MC2R: variants seen among roughly 807,000 people sequenced by gnomAD.
The protein encoded by MC2R is melanocortin 2 receptor, also known as adrenocorticotropic hormone receptor.
MC2R carries 9 observed loss-of-function variants against 9.8 expected under a neutral mutation model. That is an observed-to-expected ratio of 0.92 (90% CI 0.55 to 1.60). The LOEUF (loss-of-function observed/expected upper bound fraction) is 1.60, where lower values mean the gene tolerates loss of function less well. Ranked by LOEUF, MC2R falls within the 40% of genes most tolerant of loss-of-function variation. The probability of loss-of-function intolerance (pLI) is 0.00; values close to 1 mark genes in which losing one functional copy is unlikely to be tolerated. For missense variants in MC2R, 370 were observed against 389.0 expected, an observed-to-expected ratio of 0.95 and a Z score of 0.41; for synonymous variants, 185 against 154.7, an observed-to-expected ratio of 1.20 and a Z score of -1.45.
Position 13,884,709 on chromosome 18 carries a change from G to A in MC2R, c.810C>T (p.Val270=), listed in dbSNP as rs1437961435. The A allele has an allele frequency of 6.2e-7, 1 of 1,614,122 alleles. No individual in the cohort carries two copies. The highest frequency in any genetic ancestry group is 1.7e-5 in the Admixed American group (1 of 60,028). Reference sequence around the variant, plus strand: ...GGAAGGCATATATGAAGGGGTCAATGACGGCATTGCACATGATCAACATGC... The same window carrying A: ...GGAAGGCATATATGAAGGGGTCAATAACGGCATTGCACATGATCAACATGC... ...VNGMLIMCNA[V]IDPFIYAFRS... The change falls in exon 2 of 2, where the codon GTC becomes GTT. Residue 270 remains valine, a synonymous_variant. Transcript: ENST00000327606.
At chr18:13,911,382 A>G (rs1195066583) in intron 1 of MC2R, among the ~76,000 whole-genome samples, 1 of 152,230 alleles carries the variant, frequency 6.6e-6, no homozygotes, top group Non-Finnish European at 1.5e-5. Context: ...GAAATGGCTC[A>G]AAATTTCCTC....
intron 1 of MC2R, among the ~76,000 whole-genome samples, chr18:13,898,545 A>G (rs564426192): frequency 7.2e-5 from 11 of 152,280 alleles, no homozygotes; most frequent in African/African-American, 2.4e-4. Flanking sequence ...GTAGCCAGGG[A>G]GTGGTTACAG....
chr18:13,890,374 G>A (rs1385522532), intron 1 of MC2R, among the ~76,000 whole-genome samples: 1 of 152,206 alleles, frequency 6.6e-6, no homozygotes. Flanking sequence ...CTGGAGAAGA[G>A]CTGGGGAAGG....
At chr18:13,914,497 G>C (rs2149145456) in intron 1 of MC2R, among the ~76,000 whole-genome samples, 1 of 152,340 alleles carries the variant, frequency 6.6e-6, no homozygotes, top group South Asian at 2.1e-4. Flanking sequence ...GGGATGGGGT[G>C]GGGAGGGCAT....
At chr18:13,890,075 T>A (rs1239550736) in intron 1 of MC2R, among the ~76,000 whole-genome samples, 4 of 152,314 alleles carry the variant, frequency 2.6e-5, no homozygotes, top group Admixed American at 2.6e-4. Flanking sequence ...AACTTAACAA[T>A]CTTAAACCTC....
chr18:13,902,054 T>C (rs1156734855), intron 1 of MC2R, among the ~76,000 whole-genome samples: 1 of 152,084 alleles, frequency 6.6e-6, no homozygotes, highest in East Asian at 1.9e-4. Flanking sequence ...CATGACCAAG[T>C]GGGATTTTTT....
Position 13,885,594 on chromosome 18 carries a change from C to G in MC2R, c.-76G>C. 6.6e-7 allele frequency: 1 copy of G among 1,510,226 alleles called. No homozygotes were observed. The highest frequency in any genetic ancestry group is 1.7e-5 in the Admixed American group (1 of 57,514). 93.6% of individuals were successfully genotyped at this position (1,510,226 alleles called of 1,614,324 possible). On this transcript the variant is annotated 5_prime_UTR_variant, in exon 2 of 2. Coordinates refer to ENST00000327606, the MANE Select transcript of MC2R (RefSeq NM_000529.2). ...GAAAACTTGATTGATTCTTCAGGAT[C>G]TTTTCTTCCTTGTAGCACTTGCTGG...
In MC2R at chr18:13,908,707, TGTGTGTG is replaced by T. The variant is rs1469302782; in HGVS notation, c.-129+6774_-129+6780del. Reference sequence around the variant, plus strand: ...GCAGTTCAACGGTGCAGGAGCTTCTTGTGTGTGTGTGTGTGTGTGTGTGTGTGTGTGT... The same window carrying T: ...GCAGTTCAACGGTGCAGGAGCTTCTTTGTGTGTGTGTGTGTGTGTGTGTGT... On this transcript the variant is annotated intron_variant, in intron 1 of 1. Transcript: ENST00000327606. Among the ~76,000 whole-genome samples, 102 of 23,820 alleles carry T rather than the reference TGTGTGTG, an allele frequency of 4.3e-3. 1 individual carries two copies. Among genetic ancestry groups the T allele is most frequent in the African/African-American group, 5.3e-3 (98 of 18,616 alleles). The allele number at this position is 23,820 out of a possible 152,430, so 15.6% of individuals were successfully genotyped here.
At chr18:13,900,604 T>C (rs2045373110) in intron 1 of MC2R, among the ~76,000 whole-genome samples, 1 of 152,130 alleles carries the variant, frequency 6.6e-6, no homozygotes, top group African/African-American at 2.4e-5. Context: ...GGAATAACTA[T>C]ACTTACATCA....
intron 1 of MC2R, among the ~76,000 whole-genome samples, chr18:13,904,843 A>G (rs2045403514): frequency 6.6e-6 from 1 of 152,214 alleles, no homozygotes; most frequent in African/African-American, 2.4e-5. Context: ...GTGGCTAGCC[A>G]TATGCAAAAA....
intron 1 of MC2R, among the ~76,000 whole-genome samples, chr18:13,892,997 T>G (rs1272655798): frequency 6.6e-6 from 1 of 152,230 alleles, no homozygotes; most frequent in Admixed American, 6.5e-5. Context: ...TTGCCCCAAA[T>G]GAACAATTTG....
chr18:13,914,776 T>A (rs8093607), intron 1 of MC2R, among the ~76,000 whole-genome samples: 60,131 of 152,068 alleles, frequency 0.4, 12,512 homozygotes, highest in African/African-American at 0.52. Context: ...CTAGGTAACA[T>A]GTGCCCCCCG....
chr18:13,895,428 C>G (rs1446355540), intron 1 of MC2R, among the ~76,000 whole-genome samples: 1 of 152,128 alleles, frequency 6.6e-6, no homozygotes, highest in Admixed American at 6.5e-5. Flanking sequence ...TCCCTGAAAA[C>G]AGCTTTATTT....
In MC2R at chr18:13,883,605, ACACACACACACACACACACACACTCT is replaced by A. The variant is rs1403516866; in HGVS notation, c.*994_*1019del. The A allele has an allele frequency of 5.8e-5, 6 of 103,010 alleles. No homozygotes were observed. The highest frequency in any genetic ancestry group is 6.7e-4 in the East Asian group (2 of 2,990). The allele number at this position is 103,010 out of a possible 1,614,324, so 6.4% of individuals were successfully genotyped here. ...CACACACACACACACACACACACACACACACACACACACACACACACACTCTCTCTCTCTCTCTCTCTCTCTCTCTC... is the reference window on the plus strand; with the variant it reads ...CACACACACACACACACACACACACACTCTCTCTCTCTCTCTCTCTCTCTC... On this transcript the variant is annotated 3_prime_UTR_variant, in exon 2 of 2. Coordinates refer to ENST00000327606, the MANE Select transcript of MC2R (RefSeq NM_000529.2).
chr18:13,889,457 G>A (rs2045300384), intron 1 of MC2R, among the ~76,000 whole-genome samples: 1 of 152,148 alleles, frequency 6.6e-6, no homozygotes. Context: ...GCAGACAATT[G>A]GGGTAGTTAT....
At chr18:13,904,643 TACAGTAACCAAA>T (rs944249175) in intron 1 of MC2R, among the ~76,000 whole-genome samples, 3 of 128,394 alleles carry the variant, frequency 2.3e-5, no homozygotes, top group Admixed American at 7.8e-5. Context: ...CCAAAACAGG[TACAGTAACCAAA>T]ACAGTAACCA....
intron 1 of MC2R, among the ~76,000 whole-genome samples, chr18:13,907,979 C>G (rs1188312602): frequency 2.0e-5 from 3 of 151,756 alleles, no homozygotes; most frequent in Non-Finnish European, 2.9e-5. Flanking sequence ...GGAGGTGACT[C>G]AAAACACTAA....
In MC2R at chr18:13,884,496, G is replaced by A. The variant is rs943489554; in HGVS notation, c.*129C>T. The A allele has an allele frequency of 5.9e-6, 6 of 1,011,636 alleles. No individual in the cohort carries two copies. The highest frequency in any genetic ancestry group is 4.7e-5 in the African/African-American group (3 of 63,660). The allele number at this position is 1,011,636 out of a possible 1,614,324, so 62.7% of individuals were successfully genotyped here. ...ACCTAGCTATTAGAAACACTAGCTG[G>A]TGGGATCATCCTTGCATCCATTAGG... On this transcript the variant is annotated 3_prime_UTR_variant, in exon 2 of 2. Coordinates refer to ENST00000327606, the MANE Select transcript of MC2R (RefSeq NM_000529.2).
At chr18:13,913,611 C>T (rs1012831386) in intron 1 of MC2R, among the ~76,000 whole-genome samples, 1 of 152,202 alleles carries the variant, frequency 6.6e-6, no homozygotes, top group South Asian at 2.1e-4. Context: ...GACTCCACCA[C>T]ACTTTAAGGC....
Sources: allele counts gnomAD v4.1 joint callset (sites outside exome capture counted in the v4.1 genomes callset), GRCh38; gene constraint gnomAD v4.1.1; transcripts MANE v1.5; gene names NCBI Gene and HGNC (gene_info 2026-07-23, HGNC 2026-07-21).